HELZ: variants seen among roughly 807,000 people sequenced by gnomAD.
The protein encoded by HELZ is ATP-dependent RNA helicase with zinc finger domain.
HELZ carries 23 observed loss-of-function variants against 218.2 expected under a neutral mutation model. That is an observed-to-expected ratio of 0.11 (90% CI 0.08 to 0.15). HELZ has a LOEUF of 0.15. Ranked by LOEUF, HELZ falls within the 10% of genes least tolerant of loss-of-function variation. HELZ has a pLI of 1.00. For synonymous variants in HELZ, 814 were observed against 829.4 expected, an observed-to-expected ratio of 0.98 and a Z score of 0.32; for missense variants, 1,813 against 2,353.7, an observed-to-expected ratio of 0.77 and a Z score of 4.75.
chr17:67,242,459 TACAC>T (rs1480019770), intron 2 of HELZ, among the ~76,000 whole-genome samples: 2 of 150,320 alleles, frequency 1.3e-5, no homozygotes, highest in East Asian at 3.9e-4. Context: ...TATACATAGA[TACAC>T]ACATATATAC....
At chr17:67,194,603 G>A (rs548044820) in intron 8 of HELZ, among the ~76,000 whole-genome samples, 1 of 152,266 alleles carries the variant, frequency 6.6e-6, no homozygotes, top group East Asian at 1.9e-4. Flanking sequence ...TAAAAACACA[G>A]TATTTACTTA....
At position 67,074,887 on chromosome 17, in the gene HELZ, A is replaced by C. The variant is rs1445298664; in HGVS notation, c.*3365T>G. On this transcript the variant is annotated 3_prime_UTR_variant, in exon 33 of 33. Transcript: ENST00000358691. ...AAAAAAAAAAAAATCTACACAAAGC[A>C]GTTTGTTATTTCACGTGTAAAAAAT... is the stretch of plus-strand genomic sequence containing the variant. 6.6e-6 allele frequency: 1 copy of C among 152,120 alleles called. No individual in the cohort carries two copies. Among genetic ancestry groups the C allele is most frequent in the Non-Finnish European group, 1.5e-5 (1 of 67,980 alleles). 9.4% of individuals were successfully genotyped at this position (152,120 alleles called of 1,614,324 possible).
intron 24 of HELZ, 85 bp from the exon 25 acceptor site, chr17:67,124,099 TA>T: frequency 1.2e-6 from 1 of 850,766 alleles, no homozygotes; most frequent in East Asian, 2.5e-5. Flanking sequence ...ATATGTAAAT[TA>T]ATGTACACAT....
intron 28 of HELZ, among the ~76,000 whole-genome samples, chr17:67,110,567 T>C (rs2037250394): frequency 6.6e-6 from 1 of 152,220 alleles, no homozygotes; most frequent in Non-Finnish European, 1.5e-5. Flanking sequence ...AACAATACAC[T>C]GTGCCTGGTG....
intron 15 of HELZ, among the ~76,000 whole-genome samples, chr17:67,163,036 T>C (rs144184544): frequency 2.6e-5 from 4 of 152,208 alleles, no homozygotes; most frequent in African/African-American, 7.2e-5. Flanking sequence ...TGTGATTCTA[T>C]GATACCTGCC....
At chr17:67,127,495 C>T (rs982607610) in intron 24 of HELZ, among the ~76,000 whole-genome samples, 46 of 152,142 alleles carry the variant, frequency 3.0e-4, no homozygotes, top group African/African-American at 1.1e-3. Context: ...AGCTGAATAC[C>T]TATTTAGCTA....
intron 3 of HELZ, among the ~76,000 whole-genome samples, chr17:67,234,687 C>CA (rs199547016): frequency 9.2e-4 from 139 of 151,780 alleles, no homozygotes; most frequent in African/African-American, 3.2e-3. Context: ...ATAAAAATAA[C>CA]AAAAAGTTAA....
At chr17:67,089,647 T>A (rs1268803615) in intron 31 of HELZ, among the ~76,000 whole-genome samples, 15 of 54,292 alleles carry the variant, frequency 2.8e-4, no homozygotes, top group African/African-American at 4.0e-4. Flanking sequence ...ATTGGAGATT[T>A]TATATATATA....
chr17:67,113,579 T>G (rs1365484501), intron 28 of HELZ, among the ~76,000 whole-genome samples: 6 of 152,168 alleles, frequency 3.9e-5, no homozygotes, highest in African/African-American at 1.4e-4. Flanking sequence ...TAACGGGAAC[T>G]CTTCCTCTGA....
chr17:67,106,125 C>T (rs1167778261), intron 31 of HELZ, among the ~76,000 whole-genome samples: 1 of 152,024 alleles, frequency 6.6e-6, no homozygotes, highest in Admixed American at 6.5e-5. Context: ...GATATGACTA[C>T]AACCGGCTTT....
At position 67,123,952 on chromosome 17, in the gene HELZ, T is replaced by C. The variant is rs2037702866; in HGVS notation, c.3439+11A>G. 5 of 1,599,940 alleles carry C rather than the reference T, an allele frequency of 3.1e-6. No individual in the cohort carries two copies. Among genetic ancestry groups the C allele is most frequent in the Non-Finnish European group, 4.3e-6 (5 of 1,167,878 alleles). On this transcript the variant is annotated intron_variant, in intron 25 of 32. Transcript: ENST00000358691. The stretch of plus-strand genomic sequence containing the variant: ...AAAAGCAAGTTTTCATAGGGTAATT[T>C]TTCCACTTACCAATTCCATCATTCT...
At chr17:67,107,722 A>C (rs1327222446) in intron 30 of HELZ, 37 bp from the exon 31 acceptor site, 2 of 1,558,826 alleles carry the variant, frequency 1.3e-6, no homozygotes, top group Admixed American at 1.9e-5. Context: ...AGAAAACAAA[A>C]GGCTCCATCA....
Position 67,125,343 on chromosome 17 carries a change from T to TATAC in HELZ, c.3388-1333_3388-1330dup, listed in dbSNP as rs1567821370. 5.7e-4 allele frequency among the ~76,000 whole-genome samples: 35 copies of TATAC among 61,394 alleles called. 4 individuals carry two copies. The highest frequency in any genetic ancestry group is 8.3e-4 in the Non-Finnish European group (27 of 32,376). 40.3% of individuals were successfully genotyped at this position (61,394 alleles called of 152,430 possible). On this transcript the variant is annotated intron_variant, in intron 24 of 32. Coordinates refer to ENST00000358691, the MANE Select transcript of HELZ (RefSeq NM_014877.4). Reference sequence around the variant, plus strand: ...ATATATATATATATATATATATATATATACTTGTGAGGAATAGAGACGTGA... The same window carrying TATAC: ...ATATATATATATATATATATATATATATACATACTTGTGAGGAATAGAGACGTGA...
chr17:67,160,115 T>C, intron 17 of HELZ, 146 bp downstream of exon 17: 1 of 587,490 alleles, frequency 1.7e-6, no homozygotes, highest in African/African-American at 1.9e-5. Flanking sequence ...TTCCTTAATT[T>C]AAACAGTTTC....
intron 5 of HELZ, among the ~76,000 whole-genome samples, chr17:67,211,409 G>A (rs960009489): frequency 6.6e-6 from 1 of 152,046 alleles, no homozygotes; most frequent in African/African-American, 2.4e-5. Flanking sequence ...AGTATTTAGG[G>A]ATAAATGTCA....
At chr17:67,245,046 C>T (rs1203564595) in intron 1 of HELZ, 102 bp downstream of exon 1, 4 of 984,892 alleles carry the variant, frequency 4.1e-6, no homozygotes, top group Non-Finnish European at 2.4e-6. Context: ...CCGCCGCGCC[C>T]GGGGTCCGGG....
intron 13 of HELZ, among the ~76,000 whole-genome samples, chr17:67,178,370 C>A (rs542356380): frequency 8.5e-5 from 13 of 152,216 alleles, no homozygotes; most frequent in African/African-American, 2.9e-4. Context: ...TTCTTAAGAG[C>A]AGGAACCACG....
At chr17:67,096,952 T>C (rs1464893894) in intron 31 of HELZ, among the ~76,000 whole-genome samples, 2 of 152,262 alleles carry the variant, frequency 1.3e-5, no homozygotes, top group Non-Finnish European at 2.9e-5. Flanking sequence ...GTCTTAGCTT[T>C]TGACATGCCA....
chr17:67,086,858 C>T lies in HELZ; in HGVS notation c.5465G>A (p.Ser1822Asn). The change falls in exon 32 of 33, where the codon AGC (serine) becomes AAC (asparagine). Residue 1822 changes from serine (S) to asparagine (N), a missense_variant. Ser to Asn is a conservative substitution (Grantham distance 46). Around this residue, in one of 4 missense-constraint regions of HELZ, gnomAD observed 938 missense variants for 1,027.5 expected, o/e 0.91. Coordinates refer to ENST00000358691, the MANE Select transcript of HELZ (RefSeq NM_014877.4). ...PYQNIPCNGS[S>N]RTAQPRELIA... ...CAACTCTCTGGGCTGAGCTGTCCTG[C>T]TGGATCCATTGCACGGAATGTTCTG... The T allele has an allele frequency of 1.2e-6, 2 of 1,613,568 alleles. No homozygotes were observed. The highest frequency in any genetic ancestry group is 1.7e-6 in the Non-Finnish European group (2 of 1,179,962).
Sources: allele counts gnomAD v4.1 joint callset (sites outside exome capture counted in the v4.1 genomes callset), GRCh38; gene constraint gnomAD v4.1.1; regional missense constraint gnomAD v4.1.1; transcripts MANE v1.5; gene names NCBI Gene and HGNC (gene_info 2026-07-23, HGNC 2026-07-21).